The following CPNE4 variants were observed in gnomAD, a reference collection of about 807,000 sequenced individuals.
CPNE4 encodes copine-4.
A neutral mutation model predicts 67.9 loss-of-function variants in CPNE4; 25 were observed. The ratio of observed to expected loss-of-function variants is 0.37; its 90% CI spans 0.27 to 0.51. CPNE4 has a LOEUF of 0.51. Ranked by LOEUF, CPNE4 falls within the 20% of genes least tolerant of loss-of-function variation. The pLI is 0.93. For missense variants in CPNE4, 464 were observed against 690.8 expected, an observed-to-expected ratio of 0.67 and a Z score of 3.68; for synonymous variants, 242 against 244.9, an observed-to-expected ratio of 0.99 and a Z score of 0.11.
At chr3:131,610,034 G>A (rs759896432) in intron 7 of CPNE4, among the ~76,000 whole-genome samples, 18 of 152,008 alleles carry the variant, frequency 1.2e-4, no homozygotes, top group African/African-American at 2.4e-4. Context: ...ACCAAGATTC[G>A]TTTTTGTTTG....
At chr3:131,935,165 G>A (rs1197447248) in intron 1 of CPNE4, among the ~76,000 whole-genome samples, 1 of 152,092 alleles carries the variant, frequency 6.6e-6, no homozygotes, top group Non-Finnish European at 1.5e-5. Context: ...TTTTCCAGCG[G>A]TCTTGAGCTA....
chr3:131,680,454 A>G (rs2080718225), intron 6 of CPNE4, among the ~76,000 whole-genome samples: 1 of 152,070 alleles, frequency 6.6e-6, no homozygotes, highest in Non-Finnish European at 1.5e-5. Flanking sequence ...AAAATTAATA[A>G]AAACACTACA....
chr3:131,614,570 T>C (rs1940033502), intron 7 of CPNE4, among the ~76,000 whole-genome samples: 1 of 152,212 alleles, frequency 6.6e-6, no homozygotes. Flanking sequence ...CCATTTCCTG[T>C]AGGGAGTCGT....
chr3:132,032,290 T>C (rs9881079), intron 1 of CPNE4, among the ~76,000 whole-genome samples: 141,483 of 152,248 alleles, frequency 0.93, 66,028 homozygotes, highest in African/African-American at 0.98. Flanking sequence ...GGCCTGTGTC[T>C]GGGAGAATAA....
chr3:131,950,078 A>G (rs535213393), intron 1 of CPNE4, among the ~76,000 whole-genome samples: 13 of 152,342 alleles, frequency 8.5e-5, no homozygotes, highest in African/African-American at 3.1e-4. Context: ...GGTCACTTTG[A>G]ACACTGAATA....
At chr3:131,567,520 G>A (rs927052849) in intron 10 of CPNE4, among the ~76,000 whole-genome samples, 15 of 151,916 alleles carry the variant, frequency 9.9e-5, no homozygotes, top group African/African-American at 3.4e-4. Context: ...TGCAAAATCC[G>A]CAGAGTGAGA....
chr3:131,656,288 A>G (rs1057398792), intron 7 of CPNE4, among the ~76,000 whole-genome samples: 7 of 152,220 alleles, frequency 4.6e-5, no homozygotes, highest in Admixed American at 4.6e-4. Flanking sequence ...CAATGAGGAA[A>G]GAAAGCTTCC....
Position 131,534,713 on chromosome 3 carries a change from C to A in CPNE4, c.*482G>T, listed in dbSNP as rs993508697. On this transcript the variant is annotated 3_prime_UTR_variant, in exon 16 of 16. Transcript: ENST00000429747. ...GAATTAGAGATAACAACTGCAAAAACCATGTGGGTTTTTCTTTTTTTATTT... is the reference window on the plus strand; with the variant it reads ...GAATTAGAGATAACAACTGCAAAAAACATGTGGGTTTTTCTTTTTTTATTT... 2.6e-5 allele frequency: 4 copies of A among 152,464 alleles called. No individual in the cohort carries two copies. The highest frequency in any genetic ancestry group is 2.0e-4 in the Admixed American group (3 of 15,282). 9.4% of individuals were successfully genotyped at this position (152,464 alleles called of 1,614,324 possible).
chr3:131,845,620 C>G (rs1481118679), intron 2 of CPNE4, among the ~76,000 whole-genome samples: 2 of 152,092 alleles, frequency 1.3e-5, no homozygotes, highest in Non-Finnish European at 2.9e-5. Flanking sequence ...CAAGGCAGTT[C>G]AAATATGTCT....
intron 2 of CPNE4, among the ~76,000 whole-genome samples, chr3:131,789,588 T>C (rs1050572955): frequency 1.3e-5 from 2 of 152,170 alleles, no homozygotes; most frequent in African/African-American, 4.8e-5. Flanking sequence ...TTAGTGAGCA[T>C]GTAAAGCAAT....
intron 13 of CPNE4, 23 bp downstream of exon 13, chr3:131,552,417 C>A (rs1559884709): frequency 1.9e-6 from 3 of 1,608,252 alleles, no homozygotes. Context: ...GTGACACTGG[C>A]TTTCTTTCAC....
chr3:131,956,181 A>G (rs1353585673), intron 1 of CPNE4, among the ~76,000 whole-genome samples: 8 of 152,176 alleles, frequency 5.3e-5, no homozygotes, highest in Admixed American at 4.6e-4. Flanking sequence ...GAATTATTTT[A>G]CTGTCAGTAT....
At chr3:131,561,383 G>T (rs1166936120) in intron 11 of CPNE4, among the ~76,000 whole-genome samples, 2 of 151,812 alleles carry the variant, frequency 1.3e-5, no homozygotes, top group South Asian at 2.1e-4. Context: ...GTGTGTTTTT[G>T]TGTGTGTGTA....
intron 1 of CPNE4, among the ~76,000 whole-genome samples, chr3:132,000,467 G>C (rs2073403439): frequency 6.6e-6 from 1 of 151,524 alleles, no homozygotes; most frequent in Non-Finnish European, 1.5e-5. Flanking sequence ...GGGAGAGGAA[G>C]TAACAGTCGA....
intron 2 of CPNE4, among the ~76,000 whole-genome samples, chr3:131,794,859 T>C (rs983431342): frequency 6.6e-6 from 1 of 152,150 alleles, no homozygotes; most frequent in African/African-American, 2.4e-5. Flanking sequence ...GGATGAAAGC[T>C]TGGGGAATGA....
chr3:131,535,209 T>C lies in CPNE4; in HGVS notation c.1660A>G (p.Thr554Ala). 1.9e-6 allele frequency: 3 copies of C among 1,612,790 alleles called. No homozygotes were observed. Among genetic ancestry groups the C allele is most frequent in the Non-Finnish European group, 2.5e-6 (3 of 1,179,640 alleles). The change falls in exon 16 of 16, where the codon ACA (threonine) becomes GCA (alanine). Residue 554 changes from threonine to alanine, a missense_variant. This residue lies in a region of CPNE4 where 201 missense variants were observed against 357.7 expected (regional missense o/e 0.56). Coordinates refer to ENST00000429747, the MANE Select transcript of CPNE4 (RefSeq NM_130808.3). The stretch of plus-strand genomic sequence containing the variant: ...GTGTGGGGAGTTCATGGTGCTAGTG[T>C]TCTGGAAGATTCATACATTTCTGAT... The part of the protein sequence containing the change: ...CSSEMYESSR[T>A]LAP
intron 7 of CPNE4, among the ~76,000 whole-genome samples, chr3:131,636,863 G>C (rs2079401579): frequency 6.6e-6 from 1 of 152,136 alleles, no homozygotes. Context: ...CACATCACAG[G>C]GCTCTTTGCA....
At chr3:131,656,300 T>A (rs2079963885) in intron 7 of CPNE4, among the ~76,000 whole-genome samples, 1 of 152,186 alleles carries the variant, frequency 6.6e-6, no homozygotes, top group African/African-American at 2.4e-5. Flanking sequence ...AAAGCTTCCA[T>A]GATGAATGTA....
chr3:131,866,922 A>G (rs1194220048), intron 2 of CPNE4, among the ~76,000 whole-genome samples: 3 of 152,188 alleles, frequency 2.0e-5, no homozygotes, highest in African/African-American at 7.2e-5. Context: ...GCTGGGACAA[A>G]GAATCAAAGT....
Sources: allele counts gnomAD v4.1 joint callset (sites outside exome capture counted in the v4.1 genomes callset), GRCh38; gene constraint gnomAD v4.1.1; regional missense constraint gnomAD v4.1.1; transcripts MANE v1.5; gene names NCBI Gene and HGNC (gene_info 2026-07-23, HGNC 2026-07-21).